IQSEC3: variants seen among roughly 807,000 people sequenced by gnomAD.
IQSEC3 encodes the protein IQ motif and Sec7 domain ArfGEF 3.
In IQSEC3, 50 loss-of-function variants were observed where a neutral mutation model predicts 105.4. That is an observed-to-expected ratio of 0.47 (90% CI 0.38 to 0.60). The LOEUF is 0.60. Ranked by LOEUF, IQSEC3 falls within the 20% of genes least tolerant of loss-of-function variation. The pLI is 0.00. For missense variants in IQSEC3, 1,415 were observed against 1,630.0 expected (o/e 0.87, Z 2.27); for synonymous variants, 708 against 746.0 (o/e 0.95, Z 0.83).
chr12:137,825 A>T (rs1865829312), intron 3 of IQSEC3, among the ~76,000 whole-genome samples: 1 of 139,188 alleles, frequency 7.2e-6, no homozygotes, highest in Admixed American at 7.2e-5. Flanking sequence ...CACCCAGTTA[A>T]TTTTTTTTTT....
At chr12:171,039 G>C (rs918450320) in intron 12 of IQSEC3, 73 bp from the exon 13 acceptor site, 3 of 1,579,204 alleles carry the variant, frequency 1.9e-6, no homozygotes, top group Middle Eastern at 2.3e-4. Flanking sequence ...AGAGATGCTT[G>C]AGGGGCACAG....
Position 138,160 on chromosome 12 carries a change from A to C in IQSEC3, c.904-107A>C. ...CAGGAGCGCCCCCCCGCCCCCGTCC[A>C]TTCCTGGGCCCCACCCGAGTGTGGC... On this transcript the variant is annotated intron_variant, in intron 3 of 13. Transcript: ENST00000538872. This position sits in a 1 kb window ranked among gnomAD's most constrained non-coding sequence, Gnocchi z 7.1. 17 of 1,002,258 alleles carry C rather than the reference A, an allele frequency of 1.7e-5. No individual in the cohort carries two copies. Among genetic ancestry groups the C allele is most frequent in the East Asian group, 5.1e-5 (2 of 39,160 alleles). The allele number at this position is 1,002,258 out of a possible 1,614,324, so 62.1% of individuals were successfully genotyped here. A position where few individuals can be genotyped will look rare whatever the true frequency, so the allele number is the denominator to read the frequency against.
chr12:174,886 G>C lies in IQSEC3; in HGVS notation c.3402G>C (p.Leu1134=), dbSNP rs767773493. 6.4e-7 allele frequency: 1 copy of C among 1,571,786 alleles called. No homozygotes were observed. Among genetic ancestry groups the C allele is most frequent in the Admixed American group, 1.8e-5 (1 of 56,962 alleles). ...SSSDSCGSTP[L]GGPGSPVKVT... ...CTGACTCCTGCGGCTCCACACCCCT[G>C]GGCGGTCCCGGCTCTCCGGTCAAGG... The change falls in exon 14 of 14, where the codon CTG becomes CTC. Residue 1134 remains leucine (L), a synonymous_variant. Transcript: ENST00000538872.
chr12:105,646 G>T (rs1293065187), intron 2 of IQSEC3, among the ~76,000 whole-genome samples: 2 of 152,186 alleles, frequency 1.3e-5, no homozygotes, highest in African/African-American at 4.8e-5. Flanking sequence ...AGATTCAGGA[G>T]GCATAAAAAC....
chr12:107,272 C>T (rs1433973262), intron 2 of IQSEC3, among the ~76,000 whole-genome samples: 3 of 152,224 alleles, frequency 2.0e-5, no homozygotes, highest in Admixed American at 1.3e-4. Context: ...GGAAGGCCTC[C>T]ACCCTGGAGA....
At chr12:129,965 A>G (rs1555084493) in intron 3 of IQSEC3, among the ~76,000 whole-genome samples, 1 of 152,040 alleles carries the variant, frequency 6.6e-6, no homozygotes, top group African/African-American at 2.4e-5. Context: ...AGGCTGTACC[A>G]GAGGGCCTCC....
chr12:131,462 G>A (rs1865598618), intron 3 of IQSEC3, among the ~76,000 whole-genome samples: 1 of 152,178 alleles, frequency 6.6e-6, no homozygotes, highest in Non-Finnish European at 1.5e-5. Flanking sequence ...AGCTGACCTG[G>A]GCCATTACTG....
chr12:155,748 C>T (rs550021130), intron 5 of IQSEC3, among the ~76,000 whole-genome samples: 1 of 152,108 alleles, frequency 6.6e-6, no homozygotes, highest in Non-Finnish European at 1.5e-5. Context: ...TCTGTGCTCT[C>T]GATGTGGTGG....
At chr12:114,110 T>C (rs1864979194) in intron 2 of IQSEC3, among the ~76,000 whole-genome samples, 3 of 152,220 alleles carry the variant, frequency 2.0e-5, no homozygotes, top group Non-Finnish European at 4.4e-5. Flanking sequence ...AATGTGATAA[T>C]GCCTGGAAAG....
In IQSEC3 at chr12:154,171, C is replaced by A. The variant is rs565470787; in HGVS notation, c.2154-2854C>A. On this transcript the variant is annotated intron_variant, in intron 5 of 13. Transcript: ENST00000538872. ...CCTGGCTGCTTCCCCCATCCCGGTCCTTGGCTCTCAGGCTCTCAGCTCACT... is the reference window on the plus strand; with the variant it reads ...CCTGGCTGCTTCCCCCATCCCGGTCATTGGCTCTCAGGCTCTCAGCTCACT... Among the ~76,000 whole-genome samples, 8 of 152,364 alleles carry A rather than the reference C, an allele frequency of 5.3e-5. No individual in the cohort carries two copies. The East Asian group carries it at 1.5e-3, about 29-fold the overall frequency.
intron 5 of IQSEC3, among the ~76,000 whole-genome samples, chr12:149,580 G>A (rs541629724): frequency 1.5e-3 from 235 of 152,330 alleles, no homozygotes; most frequent in African/African-American, 5.5e-3. Flanking sequence ...GTGATTGGGT[G>A]CCCATACACC....
At chr12:135,271 C>T (rs374355053) in intron 3 of IQSEC3, among the ~76,000 whole-genome samples, 1 of 152,234 alleles carries the variant, frequency 6.6e-6, no homozygotes, top group Non-Finnish European at 1.5e-5. Context: ...GAAGGACTTT[C>T]CTGCCTGAGC....
At chr12:154,796 C>G (rs1866629636) in intron 5 of IQSEC3, among the ~76,000 whole-genome samples, 1 of 152,084 alleles carries the variant, frequency 6.6e-6, no homozygotes, top group African/African-American at 2.4e-5. Flanking sequence ...TTTGCTTGTT[C>G]TTTATCTCAG....
At chr12:169,198 C>T in intron 12 of IQSEC3, 93 bp downstream of exon 12, 1 of 1,011,504 alleles carries the variant, frequency 9.9e-7, no homozygotes, top group Non-Finnish European at 1.5e-6. Context: ...GGAGAGGTGC[C>T]CATTCCCGTG....
At chr12:169,467 C>T (rs782644172) in intron 12 of IQSEC3, among the ~76,000 whole-genome samples, 2 of 152,158 alleles carry the variant, frequency 1.3e-5, no homozygotes, top group African/African-American at 4.8e-5. Context: ...AGAAGCCCCA[C>T]GAGGAACACT....
At position 175,125 on chromosome 12, in the gene IQSEC3, G is replaced by A. The variant is rs914383276; in HGVS notation, c.*92G>A. Reference sequence around the variant, plus strand: ...TGCTCCCCATACCCTGGCACGATGCGTTCCTGGTCACTGATCACCATCATT... The same window carrying A: ...TGCTCCCCATACCCTGGCACGATGCATTCCTGGTCACTGATCACCATCATT... On this transcript the variant is annotated 3_prime_UTR_variant, in exon 14 of 14. Coordinates refer to ENST00000538872, the MANE Select transcript of IQSEC3 (RefSeq NM_001170738.2). 20 of 994,204 alleles carry A rather than the reference G, an allele frequency of 2.0e-5. No individual in the cohort carries two copies. Among genetic ancestry groups the A allele is most frequent in the African/African-American group, 3.3e-5 (2 of 61,158 alleles). 61.6% of individuals were successfully genotyped at this position (994,204 alleles called of 1,614,324 possible). A position where few individuals can be genotyped will look rare whatever the true frequency, so the allele number is the denominator to read the frequency against.
intron 7 of IQSEC3, 23 bp from the exon 8 acceptor site, chr12:161,903 C>A (rs1555096352): frequency 4.5e-6 from 7 of 1,568,932 alleles, no homozygotes; most frequent in Non-Finnish European, 6.0e-6. Flanking sequence ...CCACCACCAC[C>A]CCTGCCCACT....
In IQSEC3 at chr12:66,825, C is replaced by T. The variant is rs1231686893; in HGVS notation, c.-58C>T. The T allele has an allele frequency of 1.1e-5, 14 of 1,329,414 alleles. No homozygotes were observed. In the East Asian group the frequency reaches 4.4e-4, roughly 41 times the overall value. The allele number at this position is 1,329,414 out of a possible 1,614,324, so 82.4% of individuals were successfully genotyped here. A position where few individuals can be genotyped will look rare whatever the true frequency, so the allele number is the denominator to read the frequency against. On this transcript the variant is annotated 5_prime_UTR_variant, in exon 1 of 14. Transcript: ENST00000538872. ...CCGCTGGGCTGCTGGGCTCCCGCGC[C>T]CTCGCGCTCCCCGCCGCCAGCCCAG...
At chr12:92,569 C>T (rs537968029) in intron 1 of IQSEC3, among the ~76,000 whole-genome samples, 4 of 152,198 alleles carry the variant, frequency 2.6e-5, no homozygotes, top group Non-Finnish European at 5.9e-5. Context: ...CTCGGGCCTA[C>T]GGGGACCTCT....
Sources: gnomAD v4.1 joint callset for allele counts (sites outside exome capture counted in the v4.1 genomes callset) on GRCh38, gnomAD v4.1.1 for gene constraint, Gnocchi (gnomAD v3.1) non-coding constraint, MANE v1.5 for transcripts, NCBI Gene and HGNC (gene_info 2026-07-23, HGNC 2026-07-21) for gene names.